The following ZNF44 variants were observed in gnomAD, a reference collection of about 807,000 sequenced individuals.
The protein encoded by ZNF44 is gonadotropin inducible transcription repressor-2.
Under a neutral mutation model 11.7 loss-of-function variants are expected in ZNF44, and 9 were observed. The observed-to-expected ratio is 0.77, with a 90% CI of 0.46 to 1.35. ZNF44 has a LOEUF of 1.35. Ranked by LOEUF, ZNF44 falls within the 40% of genes most tolerant of loss-of-function variation. The pLI is 0.00. For missense variants in ZNF44, 696 were observed against 743.1 expected (o/e 0.94, Z 0.74); for synonymous variants, 224 against 242.7 (o/e 0.92, Z 0.72).
At chr19:12,227,094 T>C (rs1416718836) in intron 3 of ZNF44, among the ~76,000 whole-genome samples, 9 of 152,138 alleles carry the variant, frequency 5.9e-5, no homozygotes, top group Admixed American at 6.5e-5. Flanking sequence ...ATCACTCCAG[T>C]CTCCTGCAGT....
At chr19:12,275,716 A>G (rs1351438365) in intron 2 of ZNF44, among the ~76,000 whole-genome samples, 3 of 152,192 alleles carry the variant, frequency 2.0e-5, no homozygotes, top group Admixed American at 6.5e-5. Flanking sequence ...AATACATATG[A>G]CATATATGTG....
rs777455922 is a variant in ZNF44 at position 12,273,958 on chromosome 19, T to C, written c.297A>G (p.Arg99=). Residue 99 remains arginine, a synonymous_variant, in exon 4 of 4, where the codon AGA becomes AGG. Transcript: ENST00000355684. ...NSIVNKNTPA[R]VDACGSSVNG... is the part of the protein sequence containing the mutation. Reference sequence around the variant, plus strand: ...TCACACTGCTTCCACATGCATCTACTCTGGCGGGAGTGTTCTTGTTTACAA... The same window carrying C: ...TCACACTGCTTCCACATGCATCTACCCTGGCGGGAGTGTTCTTGTTTACAA... 7.4e-6 allele frequency: 12 copies of C among 1,614,048 alleles called. No homozygotes were observed. Among genetic ancestry groups the C allele is most frequent in the Non-Finnish European group, 9.3e-6 (11 of 1,180,036 alleles).
intron 1 of ZNF44, among the ~76,000 whole-genome samples, chr19:12,278,056 A>G (rs551106601): frequency 3.6e-4 from 55 of 152,334 alleles, no homozygotes; most frequent in African/African-American, 1.3e-3. Flanking sequence ...CTAGCCATAA[A>G]CAAAATCTCT....
downstream of ZNF44, among the ~76,000 whole-genome samples, chr19:12,271,056 T>C (rs1966931595): frequency 6.6e-6 from 1 of 152,008 alleles, no homozygotes; most frequent in Non-Finnish European, 1.5e-5. Context: ...ATGATGATGA[T>C]GATGATGATG....
chr19:12,273,694 A>AT lies in ZNF44; in HGVS notation c.560dup (p.His187GlnfsTer12). On this transcript the variant is annotated frameshift_variant, in exon 4 of 4. Coordinates refer to ENST00000355684, the MANE Select transcript of ZNF44 (RefSeq NM_016264.4). LOFTEE classifies it low-confidence loss of function (END_TRUNC). The stretch of plus-strand genomic sequence containing the variant: ...GTCCATCTCCACCTTTTACTACCAT[A>AT]TGTCTTCGAAGGTTTCCAGGAGAAC... The AT allele has an allele frequency of 6.2e-7, 1 of 1,614,126 alleles. No individual in the cohort carries two copies. Among genetic ancestry groups the AT allele is most frequent in the Non-Finnish European group, 8.5e-7 (1 of 1,180,014 alleles).
upstream of ZNF44, among the ~76,000 whole-genome samples, chr19:12,239,568 A>ATTT (rs1158604076): frequency 1.2e-3 from 91 of 76,042 alleles, 1 homozygote; most frequent in African/African-American, 2.2e-3. Context: ...CCCAAGTTGC[A>ATTT]TTTTTTTTTT....
downstream of ZNF44, among the ~76,000 whole-genome samples, chr19:12,243,252 A>T (rs1320513850): frequency 6.6e-6 from 1 of 152,232 alleles, no homozygotes; most frequent in Non-Finnish European, 1.5e-5. Context: ...TCAAATTAAC[A>T]CATTGATGAC....
intron 5 of ZNF44, among the ~76,000 whole-genome samples, chr19:12,251,723 T>C (rs772516643): frequency 6.6e-6 from 1 of 152,132 alleles, no homozygotes; most frequent in Non-Finnish European, 1.5e-5. Context: ...CCAGTTAACC[T>C]TGGGACTTGC....
intron 3 of ZNF44, among the ~76,000 whole-genome samples, chr19:12,274,456 G>A (rs1342503527): frequency 6.6e-6 from 1 of 151,194 alleles, no homozygotes; most frequent in African/African-American, 2.4e-5. Flanking sequence ...TGTATTTTTA[G>A]TAGAGATGGG....
At chr19:12,240,152 C>T (rs537712857), upstream of ZNF44, among the ~76,000 whole-genome samples, 6 of 152,062 alleles carry the variant, frequency 3.9e-5, no homozygotes, top group South Asian at 1.2e-3. Flanking sequence ...TCCTTATGGC[C>T]TTCTTTTTAG....
At chr19:12,239,458 G>C (rs1023879236), upstream of ZNF44, among the ~76,000 whole-genome samples, 1 of 121,112 alleles carries the variant, frequency 8.3e-6, no homozygotes, top group African/African-American at 3.2e-5. Context: ...GTCTCACTAT[G>C]TTGCTGAGGC....
At chr19:12,258,677 A>G (rs1231009452) in intron 5 of ZNF44, among the ~76,000 whole-genome samples, 2 of 152,088 alleles carry the variant, frequency 1.3e-5, no homozygotes, top group Non-Finnish European at 2.9e-5. Context: ...GAAAAACACA[A>G]GAATTAGATG....
intron 1 of ZNF44, among the ~76,000 whole-genome samples, chr19:12,279,860 G>A (rs1166184803): frequency 1.6e-5 from 1 of 63,014 alleles, no homozygotes; most frequent in South Asian, 3.9e-4. Flanking sequence ...TACCTGGTCT[G>A]AGTTAAAAAA....
downstream of ZNF44, among the ~76,000 whole-genome samples, chr19:12,269,599 G>A (rs1737216704): frequency 6.6e-6 from 1 of 152,216 alleles, no homozygotes; most frequent in Non-Finnish European, 1.5e-5. Flanking sequence ...CTGGCCTCAA[G>A]CGATCCTCCC....
chr19:12,274,654 C>T (rs1388788767), intron 3 of ZNF44, among the ~76,000 whole-genome samples: 5 of 151,124 alleles, frequency 3.3e-5, no homozygotes, highest in Non-Finnish European at 5.9e-5. Flanking sequence ...ACTGCAGCCT[C>T]AAACTCCCAG....
At position 12,285,001 on chromosome 19, in the gene ZNF44, T is replaced by C. The variant is rs1167747671; in HGVS notation, c.4-8919A>G. The C allele has an allele frequency of 7.0e-6, 5 of 712,750 alleles. No homozygotes were observed. In the Admixed American group the frequency reaches 8.3e-5, roughly 12 times the overall value. The allele number at this position is 712,750 out of a possible 1,614,324, so 44.2% of individuals were successfully genotyped here. On this transcript the variant is annotated intron_variant, in intron 1 of 3. Transcript: ENST00000355684. ...TCAGCCCGGGGCTGCACTGCCATCC[T>C]GGGCAACTTCGCCAAGGCCACCTTT...
chr19:12,238,650 G>T (rs1309576999), upstream of ZNF44, among the ~76,000 whole-genome samples: 6 of 140,380 alleles, frequency 4.3e-5, no homozygotes, highest in Non-Finnish European at 9.1e-5. Context: ...AAAAAAAATA[G>T]CTGGGCATGG....
chr19:12,227,661 G>A (rs746387853), intron 3 of ZNF44, among the ~76,000 whole-genome samples: 6 of 152,202 alleles, frequency 3.9e-5, no homozygotes, highest in Admixed American at 6.5e-5. Flanking sequence ...AAGGATATCT[G>A]TTACCTTTGT....
intron 5 of ZNF44, among the ~76,000 whole-genome samples, chr19:12,258,160 C>CAAAAA (rs770370872): frequency 1.3e-4 from 7 of 55,886 alleles, no homozygotes; most frequent in Non-Finnish European, 2.4e-4. Flanking sequence ...CTCATCTCTA[C>CAAAAA]AAAAAAAAAA....
Sources: gnomAD v4.1 joint callset for allele counts (sites outside exome capture counted in the v4.1 genomes callset) on GRCh38, gnomAD v4.1.1 for gene constraint, MANE v1.5 for transcripts, NCBI Gene and HGNC (gene_info 2026-07-23, HGNC 2026-07-21) for gene names.